CEP112: variants seen among roughly 807,000 people sequenced by gnomAD.
CEP112 encodes centrosomal protein 112, also known as centrosomal protein of 112 kDa.
Under a neutral mutation model 153.0 loss-of-function variants are expected in CEP112, and 127 were observed. The observed-to-expected ratio is 0.83, with a 90% confidence interval of 0.72 to 0.96. The LOEUF is 0.96. Ranked by LOEUF, CEP112 falls within the 40% of genes least tolerant of loss-of-function variation. CEP112 has a pLI of 0.00. For synonymous variants in CEP112, 358 were observed against 374.4 expected (o/e 0.96, Z 0.51); for missense variants, 1,089 against 1,101.2 (o/e 0.99, Z 0.16).
intron 17 of CEP112, among the ~76,000 whole-genome samples, chr17:65,985,411 C>T (rs948549951): frequency 6.6e-6 from 1 of 152,130 alleles, no homozygotes; most frequent in African/African-American, 2.4e-5. Context: ...CCTGGAGTCA[C>T]AAGAATAGAA....
intron 24 of CEP112, among the ~76,000 whole-genome samples, chr17:65,673,242 C>A (rs932039580): frequency 1.3e-5 from 2 of 152,138 alleles, no homozygotes; most frequent in African/African-American, 2.4e-5. Context: ...CATCTCCTTG[C>A]GACTGCTATT....
At chr17:66,081,731 A>G (rs2067727965) in intron 8 of CEP112, among the ~76,000 whole-genome samples, 1 of 152,148 alleles carries the variant, frequency 6.6e-6, no homozygotes, top group African/African-American at 2.4e-5. Context: ...CCTGGCCAAC[A>G]TGGTGAAACC....
intron 24 of CEP112, among the ~76,000 whole-genome samples, chr17:65,681,492 T>C (rs1460540101): frequency 6.6e-6 from 1 of 150,876 alleles, no homozygotes; most frequent in African/African-American, 2.4e-5. Context: ...TGGATTCAGA[T>C]TTTCATTTAA....
intron 21 of CEP112, among the ~76,000 whole-genome samples, chr17:65,812,097 G>A (rs897717506): frequency 2.6e-5 from 4 of 151,682 alleles, no homozygotes; most frequent in South Asian, 2.1e-4. Flanking sequence ...TCCACCTCCC[G>A]GGTTCATGCC....
chr17:65,987,935 A>T (rs1272065153), intron 17 of CEP112, among the ~76,000 whole-genome samples: 1 of 152,170 alleles, frequency 6.6e-6, no homozygotes, highest in African/African-American at 2.4e-5. Flanking sequence ...AAACATTGTG[A>T]GTTCCTGAAG....
chr17:65,639,564 A>G (rs888411173), intron 25 of CEP112, among the ~76,000 whole-genome samples: 3 of 151,766 alleles, frequency 2.0e-5, no homozygotes, highest in Admixed American at 6.6e-5. Context: ...ATGCACCTGT[A>G]ATCCCAGTTA....
At chr17:66,018,335 T>C (rs1354541148) in intron 16 of CEP112, among the ~76,000 whole-genome samples, 1 of 152,116 alleles carries the variant, frequency 6.6e-6, no homozygotes. Context: ...ATCCCAAGAA[T>C]TTAGGTAATC....
rs898096594 is a variant in CEP112, at chr17:66,017,990, ACT to A, written c.1656+9509_1656+9510del. Among the ~76,000 whole-genome samples, 21 of 117,830 alleles carry A rather than the reference ACT, an allele frequency of 1.8e-4. No individual in the cohort carries two copies. In the East Asian group the frequency reaches 4.1e-3, roughly 23 times the overall value. The allele number at this position is 117,830 out of a possible 152,430, so 77.3% of individuals were successfully genotyped here. The stretch of plus-strand genomic sequence containing the variant: ...ACTTCAGCCTGGGCAACAGAGCAAG[ACT>A]CTGTCTCAAAAAAAAAAAAAAAATC... On this transcript the variant is annotated intron_variant, in intron 16 of 26. Transcript: ENST00000535342.
chr17:65,783,097 T>G (rs371333725), intron 21 of CEP112, among the ~76,000 whole-genome samples: 13 of 152,102 alleles, frequency 8.5e-5, no homozygotes, highest in African/African-American at 2.4e-4. Context: ...AAAAGAATAA[T>G]TCACATTTAA....
intron 20 of CEP112, among the ~76,000 whole-genome samples, chr17:65,858,168 T>C (rs2058188761): frequency 6.6e-6 from 1 of 152,226 alleles, no homozygotes; most frequent in Admixed American, 6.5e-5. Flanking sequence ...GGAATTTTTA[T>C]TTCTCTTCTT....
At chr17:65,668,921 C>T (rs1305536262) in intron 24 of CEP112, among the ~76,000 whole-genome samples, 1 of 152,168 alleles carries the variant, frequency 6.6e-6, no homozygotes, top group Admixed American at 6.5e-5. Context: ...AGAATCTTGC[C>T]CTCCCCATCT....
At chr17:65,925,358 A>G (rs2060887463) in intron 19 of CEP112, among the ~76,000 whole-genome samples, 1 of 152,226 alleles carries the variant, frequency 6.6e-6, no homozygotes, top group Admixed American at 6.5e-5. Flanking sequence ...TGTCTTTATT[A>G]GCAGCGTGAG....
At chr17:65,881,628 G>A (rs1844779713) in intron 20 of CEP112, among the ~76,000 whole-genome samples, 1 of 152,178 alleles carries the variant, frequency 6.6e-6, no homozygotes, top group South Asian at 2.1e-4. Context: ...TGGATAAAAA[G>A]AACAAGTGAT....
At chr17:65,826,554 G>T (rs1182957740) in intron 21 of CEP112, 5 of 1,312,292 alleles carry the variant, frequency 3.8e-6, no homozygotes, top group Non-Finnish European at 3.9e-6. Context: ...GTGATGCCAG[G>T]GCTAAAGGGC....
At chr17:66,044,674 G>A (rs2066125709) in intron 12 of CEP112, among the ~76,000 whole-genome samples, 2 of 152,168 alleles carry the variant, frequency 1.3e-5, no homozygotes, top group South Asian at 4.1e-4. Context: ...AAATTCGTAA[G>A]AGACTAAAAG....
chr17:65,637,968 G>A (rs1438579907), intron 25 of CEP112, among the ~76,000 whole-genome samples: 1 of 152,248 alleles, frequency 6.6e-6, no homozygotes, highest in Non-Finnish European at 1.5e-5. Context: ...TTTGTCTGGA[G>A]TTAGGCCAAC....
chr17:65,843,179 T>C (rs1447267662), intron 21 of CEP112, among the ~76,000 whole-genome samples: 1 of 152,186 alleles, frequency 6.6e-6, no homozygotes, highest in Non-Finnish European at 1.5e-5. Flanking sequence ...ATTCAAATTA[T>C]GTACACATCC....
intron 21 of CEP112, among the ~76,000 whole-genome samples, chr17:65,809,857 G>C (rs539991554): frequency 1.6e-4 from 24 of 152,072 alleles, no homozygotes; most frequent in African/African-American, 5.3e-4. Flanking sequence ...GGAAGTGGGG[G>C]GGGGAAGATA....
At chr17:65,761,996 C>T (rs2052643649) in intron 21 of CEP112, among the ~76,000 whole-genome samples, 5 of 152,068 alleles carry the variant, frequency 3.3e-5, no homozygotes, top group Non-Finnish European at 1.5e-5. Context: ...GTATTAAAGT[C>T]TACAACTATA....
Sources: allele counts gnomAD v4.1 joint callset (sites outside exome capture counted in the v4.1 genomes callset), GRCh38; gene constraint gnomAD v4.1.1; transcripts MANE v1.5; gene names NCBI Gene and HGNC (gene_info 2026-07-23, HGNC 2026-07-21).